The following AMBRA1 variants were observed in gnomAD, a reference collection of about 807,000 sequenced individuals.
AMBRA1 encodes the protein activating molecule in BECN1-regulated autophagy protein 1.
In AMBRA1, 47 loss-of-function variants were observed where a neutral mutation model predicts 125.4. That is an observed-to-expected ratio of 0.37 (90% confidence interval 0.30 to 0.48). The LOEUF (loss-of-function observed/expected upper bound fraction) is 0.48, where lower values mean the gene tolerates loss of function less well. AMBRA1 is among the 20% of genes least tolerant of loss of function. The pLI, the probability that AMBRA1 is intolerant of heterozygous loss-of-function variation, is 0.99. For synonymous variants in AMBRA1, 626 were observed against 655.5 expected (o/e 0.95, Z 0.69); for missense variants, 1,331 against 1,693.4 (o/e 0.79, Z 3.76).
At chr11:46,575,785 G>A (rs183746330) in intron 1 of AMBRA1, among the ~76,000 whole-genome samples, 55 of 152,264 alleles carry the variant, frequency 3.6e-4, no homozygotes, top group African/African-American at 1.2e-3. Flanking sequence ...AAAGTGCTGG[G>A]ATTATAGGCG....
At chr11:46,514,900 G>A (rs2135062935) in intron 7 of AMBRA1, among the ~76,000 whole-genome samples, 2 of 152,306 alleles carry the variant, frequency 1.3e-5, no homozygotes, top group African/African-American at 4.8e-5. Flanking sequence ...GGGAAAAAAG[G>A]AAAATCAAAA....
At chr11:46,517,681 A>C (rs1951558718) in intron 7 of AMBRA1, among the ~76,000 whole-genome samples, 1 of 150,290 alleles carries the variant, frequency 6.7e-6, no homozygotes, top group Admixed American at 6.6e-5. Context: ...AAAAATACAA[A>C]AAATTAGCCG....
intron 12 of AMBRA1, among the ~76,000 whole-genome samples, chr11:46,442,966 C>G (rs1421710431): frequency 6.6e-6 from 1 of 152,210 alleles, no homozygotes; most frequent in Non-Finnish European, 1.5e-5. Flanking sequence ...AAGTGATCCG[C>G]CTGCCTTGGC....
Position 46,417,916 on chromosome 11 carries a change from G to C in AMBRA1, c.3113C>G (p.Pro1038Arg). The change falls in exon 15 of 18, where the codon CCA becomes CGA. Residue 1038 changes from proline (P) to arginine (R), a missense_variant. Physicochemically the swap from Pro to Arg is moderately radical, Grantham distance 103. Around this residue, in one of 4 missense-constraint regions of AMBRA1, gnomAD observed 354 missense variants for 532.7 expected, o/e 0.66. Coordinates refer to ENST00000683756, the MANE Select transcript of AMBRA1 (RefSeq NM_001387011.1). ...TNKGDLVICR[P>R]EALNSGVEYY... ...CCCCACACTTTAAGCCACTTACTCT[G>C]GTCGGCAGATCACCAGGTCTCCTTT... 3 of 1,608,430 alleles carry C rather than the reference G, an allele frequency of 1.9e-6. No individual in the cohort carries two copies. The highest frequency in any genetic ancestry group is 2.6e-6 in the Non-Finnish European group (3 of 1,175,986).
intron 9 of AMBRA1, among the ~76,000 whole-genome samples, chr11:46,497,653 T>A (rs1249009059): frequency 6.6e-6 from 1 of 152,178 alleles, no homozygotes; most frequent in Non-Finnish European, 1.5e-5. Flanking sequence ...CTCAAACATT[T>A]ACTGAGCAGG....
At chr11:46,526,663 A>T (rs1951988555) in intron 7 of AMBRA1, among the ~76,000 whole-genome samples, 1 of 151,794 alleles carries the variant, frequency 6.6e-6, no homozygotes, top group African/African-American at 2.4e-5. Context: ...CCTCCAGATG[A>T]CTCTAGAGAA....
At chr11:46,571,973 C>T (rs1046683953) in intron 1 of AMBRA1, among the ~76,000 whole-genome samples, 1 of 152,084 alleles carries the variant, frequency 6.6e-6, no homozygotes, top group Non-Finnish European at 1.5e-5. Context: ...CAGGCTTAAG[C>T]CACTGCGCCC....
intron 12 of AMBRA1, among the ~76,000 whole-genome samples, chr11:46,436,387 T>C (rs576063241): frequency 6.6e-6 from 1 of 152,364 alleles, no homozygotes; most frequent in East Asian, 1.9e-4. Flanking sequence ...ATACATTGAT[T>C]AGGCTATTGT....
intron 1 of AMBRA1, among the ~76,000 whole-genome samples, chr11:46,563,870 C>T (rs1276802053): frequency 1.4e-5 from 2 of 144,596 alleles, no homozygotes; most frequent in African/African-American, 5.1e-5. Flanking sequence ...AAAGGCCAGG[C>T]GTGGTGGCTC....
At chr11:46,444,800 T>C (rs1327555723) in intron 11 of AMBRA1, among the ~76,000 whole-genome samples, 1 of 152,144 alleles carries the variant, frequency 6.6e-6, no homozygotes, top group East Asian at 1.9e-4. Flanking sequence ...CAAGAGATGG[T>C]TCAAAGAGAA....
intron 3 of AMBRA1, 131 bp from the exon 4 acceptor site, chr11:46,547,427 T>A: frequency 1.3e-6 from 1 of 775,714 alleles, no homozygotes; most frequent in Non-Finnish European, 2.0e-6. Flanking sequence ...CTTTGTATGT[T>A]AGGCAGTATA....
Position 46,552,368 on chromosome 11 carries a change from C to CAAAAAAAAA in AMBRA1, c.-120-3877_-120-3869dup, listed in dbSNP as rs56090695. Among the ~76,000 whole-genome samples the CAAAAAAAAA allele has an allele frequency of 1.2e-3, 14 of 11,994 alleles. 4 individuals carry two copies. The highest frequency in any genetic ancestry group is 3.2e-3 in the African/African-American group (13 of 4,100). 7.9% of individuals were successfully genotyped at this position (11,994 alleles called of 152,430 possible). A position where few individuals can be genotyped will look rare whatever the true frequency, so the allele number is the denominator to read the frequency against. ...TGAGTGACAGAGTGAGACTCCATCT[C>CAAAAAAAAA]AAAAAAAAAAAAAAAAAAAAAAAAA... On this transcript the variant is annotated intron_variant, in intron 1 of 17. Transcript: ENST00000683756.
chr11:46,542,266 C>T lies in AMBRA1; in HGVS notation c.1751G>A (p.Trp584Ter), dbSNP rs1172344319. The change falls in exon 7 of 18, where the codon TGG becomes TAG. Residue 584 changes from tryptophan to a stop codon, truncating the protein, a stop_gained. Transcript: ENST00000683756. LOFTEE classifies it high-confidence loss of function. This position sits in a 1 kb window ranked among gnomAD's most constrained non-coding sequence, Gnocchi z 5.9. Reference sequence around the variant, plus strand: ...GGAGTAGTTAGGTGTGGTTCTTTCCCAGCGCAGGGTATCGTTGTTGAAGGT... The same window carrying T: ...GGAGTAGTTAGGTGTGGTTCTTTCCTAGCGCAGGGTATCGTTGTTGAAGGT... ...LLTFNNDTLR[W>*]ERTTPNYSSG... 1 of 1,614,076 alleles carries T rather than the reference C, an allele frequency of 6.2e-7. No individual in the cohort carries two copies. The highest frequency in any genetic ancestry group is 8.5e-7 in the Non-Finnish European group (1 of 1,180,030).
chr11:46,523,621 T>C (rs1951847032), intron 7 of AMBRA1, among the ~76,000 whole-genome samples: 1 of 152,266 alleles, frequency 6.6e-6, no homozygotes, highest in African/African-American at 2.4e-5. Flanking sequence ...CTAATGGCTA[T>C]AATCTCAGAG....
intron 11 of AMBRA1, among the ~76,000 whole-genome samples, chr11:46,487,706 T>A (rs1950313413): frequency 6.6e-6 from 1 of 152,004 alleles, no homozygotes; most frequent in South Asian, 2.1e-4. Context: ...AAAGACACAT[T>A]AGATGATACC....
At chr11:46,440,157 T>C (rs1308435720) in intron 12 of AMBRA1, among the ~76,000 whole-genome samples, 1 of 152,144 alleles carries the variant, frequency 6.6e-6, no homozygotes, top group Non-Finnish European at 1.5e-5. Flanking sequence ...GCACAGTTTG[T>C]AGAGTAAAAG....
At chr11:46,415,174 C>G (rs1270614677) in intron 15 of AMBRA1, among the ~76,000 whole-genome samples, 1 of 152,164 alleles carries the variant, frequency 6.6e-6, no homozygotes, top group Non-Finnish European at 1.5e-5. Context: ...CACACAAGAA[C>G]CCTGAGCTCC....
At position 46,397,251 on chromosome 11, in the gene AMBRA1, G is replaced by T. The variant is rs1945500489; in HGVS notation, c.*199C>A. 6.5e-6 allele frequency: 4 copies of T among 617,948 alleles called. No homozygotes were observed. Among genetic ancestry groups the T allele is most frequent in the African/African-American group, 5.7e-5 (3 of 52,880 alleles). The allele number at this position is 617,948 out of a possible 1,614,324, so 38.3% of individuals were successfully genotyped here. A position where few individuals can be genotyped will look rare whatever the true frequency, so the allele number is the denominator to read the frequency against. On this transcript the variant is annotated 3_prime_UTR_variant, in exon 18 of 18. Transcript: ENST00000683756. ...TCTCCCGGGCTCCAGATCCTGGAAG[G>T]TTCTAGTTCCCCGAGGCAGGCCTTG...
intron 1 of AMBRA1, among the ~76,000 whole-genome samples, chr11:46,553,811 T>G (rs2043088362): frequency 6.6e-6 from 1 of 151,982 alleles, no homozygotes; most frequent in Non-Finnish European, 1.5e-5. Flanking sequence ...AGCACAGAGT[T>G]ACCTAAGGAG....
Sources: gnomAD v4.1 joint callset for allele counts (sites outside exome capture counted in the v4.1 genomes callset) on GRCh38, gnomAD v4.1.1 for gene constraint, gnomAD v4.1.1 regional missense constraint, Gnocchi (gnomAD v3.1) non-coding constraint, MANE v1.5 for transcripts, NCBI Gene and HGNC (gene_info 2026-07-23, HGNC 2026-07-21) for gene names.